Variants in LPP observed in about 807,000 individuals in gnomAD.
The protein encoded by LPP is lipoma-preferred partner.
Under a neutral mutation model 60.4 loss-of-function variants are expected in LPP, and 38 were observed. That is an observed-to-expected ratio of 0.63 (90% confidence interval 0.49 to 0.83). The LOEUF is 0.83. LPP is among the 40% of genes least tolerant of loss of function. LPP has a pLI of 0.00. For synonymous variants in LPP, 328 were observed against 290.8 expected, an observed-to-expected ratio of 1.13 and a Z score of -1.30; for missense variants, 902 against 783.6, an observed-to-expected ratio of 1.15 and a Z score of -1.80.
At chr3:188,449,801 CTATTAT>C (rs548480999) in intron 4 of LPP, among the ~76,000 whole-genome samples, 1 of 151,672 alleles carries the variant, frequency 6.6e-6, no homozygotes, top group East Asian at 1.9e-4. Context: ...ATTTATATTG[CTATTAT>C]TATTATTATT....
intron 7 of LPP, among the ~76,000 whole-genome samples, chr3:188,613,290 AT>A (rs1178956732): frequency 2.4e-4 from 34 of 142,050 alleles, no homozygotes; most frequent in Non-Finnish European, 3.1e-5. Flanking sequence ...CTATATCTAT[AT>A]CTATATCTAT....
intron 6 of LPP, among the ~76,000 whole-genome samples, chr3:188,555,366 T>A (rs1178107669): frequency 6.6e-6 from 1 of 152,090 alleles, no homozygotes; most frequent in African/African-American, 2.4e-5. Flanking sequence ...ATGTTAAGGA[T>A]CACTCAGGCA....
rs112592914 is a variant in LPP at position 188,781,920 on chromosome 3, C to G, written c.1410+21638C>G. Among the ~76,000 whole-genome samples the G allele has an allele frequency of 1.5e-3, 227 of 151,926 alleles. 1 individual carries two copies. The Middle Eastern group carries it at 0.017, about 11-fold the overall frequency. On this transcript the variant is annotated intron_variant, in intron 9 of 11. Transcript: ENST00000617246. ...AAAAAAAAAAAAAAATCTATCACCCCCCTTGATTCACTTACCTCCCACTGT... is the reference window on the plus strand; with the variant it reads ...AAAAAAAAAAAAAAATCTATCACCCGCCTTGATTCACTTACCTCCCACTGT...
At chr3:188,382,145 G>C (rs1360755555) in intron 3 of LPP, among the ~76,000 whole-genome samples, 3 of 152,076 alleles carry the variant, frequency 2.0e-5, no homozygotes, top group Non-Finnish European at 4.4e-5. Flanking sequence ...TCTACGGTTT[G>C]GCACCCAGTT....
At chr3:188,395,678 C>A (rs1012447926) in intron 3 of LPP, among the ~76,000 whole-genome samples, 3 of 152,038 alleles carry the variant, frequency 2.0e-5, no homozygotes, top group Non-Finnish European at 2.9e-5. Context: ...TTAATCTCAG[C>A]AGTTTGGGAG....
At chr3:188,275,128 A>G (rs987021785) in intron 2 of LPP, among the ~76,000 whole-genome samples, 5 of 152,148 alleles carry the variant, frequency 3.3e-5, no homozygotes, top group East Asian at 1.9e-4. Context: ...CCTTTTCCCA[A>G]AGGAGAGACT....
chr3:188,488,032 T>G (rs1364877879), intron 5 of LPP, among the ~76,000 whole-genome samples: 1 of 151,868 alleles, frequency 6.6e-6, no homozygotes, highest in East Asian at 1.9e-4. Context: ...TTTTTTTTTT[T>G]TTTTGGAAAT....
intron 3 of LPP, among the ~76,000 whole-genome samples, chr3:188,398,261 A>G (rs1402910562): frequency 6.6e-6 from 1 of 152,196 alleles, no homozygotes; most frequent in Non-Finnish European, 1.5e-5. Flanking sequence ...ATGGTAGTGG[A>G]TATCTAATCT....
At chr3:188,519,162 G>A (rs1818204738) in intron 5 of LPP, among the ~76,000 whole-genome samples, 1 of 152,108 alleles carries the variant, frequency 6.6e-6, no homozygotes, top group Non-Finnish European at 1.5e-5. Flanking sequence ...TAAAAATCAT[G>A]CAGTCATGCT....
At chr3:188,171,981 G>A (rs1015562363) in intron 1 of LPP, among the ~76,000 whole-genome samples, 3 of 152,242 alleles carry the variant, frequency 2.0e-5, no homozygotes, top group Non-Finnish European at 4.4e-5. Flanking sequence ...ACTCTTCAAG[G>A]ATGATATGCC....
chr3:188,814,187 T>TA (rs1751857637), intron 9 of LPP, among the ~76,000 whole-genome samples: 1 of 152,182 alleles, frequency 6.6e-6, no homozygotes, highest in Non-Finnish European at 1.5e-5. Flanking sequence ...TAATAGATGC[T>TA]AAAGGACCTT....
chr3:188,687,378 A>C (rs910954748), intron 7 of LPP, among the ~76,000 whole-genome samples: 1 of 152,108 alleles, frequency 6.6e-6, no homozygotes, highest in African/African-American at 2.4e-5. Flanking sequence ...CCTCATCTTG[A>C]ATTGTGATCC....
At chr3:188,447,677 A>G (rs1393037498) in intron 4 of LPP, among the ~76,000 whole-genome samples, 1 of 151,304 alleles carries the variant, frequency 6.6e-6, no homozygotes, top group Non-Finnish European at 1.5e-5. Context: ...CCAGAGGCTG[A>G]TGCAGGAGAA....
intron 7 of LPP, among the ~76,000 whole-genome samples, chr3:188,664,619 G>C (rs1369467431): frequency 6.8e-6 from 1 of 148,072 alleles, no homozygotes; most frequent in Admixed American, 6.7e-5. Context: ...GTGTGTGTCT[G>C]TGTGTGTGTG....
chr3:188,849,919 C>A (rs1762335675), intron 9 of LPP, among the ~76,000 whole-genome samples: 1 of 152,144 alleles, frequency 6.6e-6, no homozygotes, highest in South Asian at 2.1e-4. Context: ...GAATTTAAAT[C>A]CTTGACAAAA....
intron 9 of LPP, among the ~76,000 whole-genome samples, chr3:188,815,982 A>G (rs1030321950): frequency 2.6e-5 from 4 of 152,208 alleles, no homozygotes; most frequent in African/African-American, 9.6e-5. Flanking sequence ...TTCATAAGAA[A>G]AAAATGATTA....
intron 9 of LPP, among the ~76,000 whole-genome samples, chr3:188,768,967 A>G (rs1734997972): frequency 6.6e-6 from 1 of 152,210 alleles, no homozygotes; most frequent in African/African-American, 2.4e-5. Context: ...TTTACAAATG[A>G]TTGATTATTC....
chr3:188,386,266 A>G (rs1439104123), intron 3 of LPP, among the ~76,000 whole-genome samples: 1 of 61,684 alleles, frequency 1.6e-5, no homozygotes, highest in African/African-American at 7.2e-5. Flanking sequence ...GCATGCGCGC[A>G]CACACACACA....
At chr3:188,680,112 T>G (rs910966424) in intron 7 of LPP, among the ~76,000 whole-genome samples, 3 of 152,206 alleles carry the variant, frequency 2.0e-5, no homozygotes, top group Non-Finnish European at 4.4e-5. Context: ...AATTGCTATT[T>G]TATAAACCCA....
Sources: gnomAD v4.1 joint callset for allele counts (sites outside exome capture counted in the v4.1 genomes callset) on GRCh38, gnomAD v4.1.1 for gene constraint, MANE v1.5 for transcripts, NCBI Gene and HGNC (gene_info 2026-07-23, HGNC 2026-07-21) for gene names.